THSD7A: variants seen among roughly 807,000 people sequenced by gnomAD.
THSD7A encodes thrombospondin type 1 domain containing 7A, also known as thrombospondin type-1 domain-containing protein 7A.
THSD7A carries 96 observed loss-of-function variants against 231.3 expected under a neutral mutation model. The observed-to-expected ratio is 0.41, with a 90% CI of 0.35 to 0.49. The LOEUF (loss-of-function observed/expected upper bound fraction) is 0.49. THSD7A is among the 20% of genes least tolerant of loss of function. The pLI, the probability that THSD7A is intolerant of heterozygous loss-of-function variation, is 0.05. For synonymous variants in THSD7A, 940 were observed against 743.3 expected, an observed-to-expected ratio of 1.26 and a Z score of -4.30; for missense variants, 2,290 against 2,070.2, an observed-to-expected ratio of 1.11 and a Z score of -2.06.
Position 11,407,440 on chromosome 7 carries a change from A to G in THSD7A, c.3799-17T>C. 2 of 1,587,436 alleles carry G rather than the reference A, an allele frequency of 1.3e-6. No individual in the cohort carries two copies. Among genetic ancestry groups the G allele is most frequent in the Non-Finnish European group, 1.7e-6 (2 of 1,159,164 alleles). The stretch of plus-strand genomic sequence containing the variant: ...CAAGCCAAGCTGGAAGAACAGAGGT[A>G]GATCAGGATGTATATTGTAAATTGG... On this transcript the variant is annotated splice_polypyrimidine_tract_variant and intron_variant, in intron 19 of 27. Coordinates refer to ENST00000423059, the MANE Select transcript of THSD7A (RefSeq NM_015204.3).
chr7:11,618,116 C>T (rs1036589491), intron 2 of THSD7A, among the ~76,000 whole-genome samples: 1 of 152,142 alleles, frequency 6.6e-6, no homozygotes, highest in Non-Finnish European at 1.5e-5. Context: ...AATGCCAATT[C>T]ATATGGACAC....
chr7:11,551,581 C>A (rs1439740666), intron 4 of THSD7A, among the ~76,000 whole-genome samples: 1 of 152,088 alleles, frequency 6.6e-6, no homozygotes. Flanking sequence ...ACATGGCCAA[C>A]AAACATATGA....
chr7:11,725,343 C>T (rs1323689433), intron 1 of THSD7A, among the ~76,000 whole-genome samples: 1 of 151,908 alleles, frequency 6.6e-6, no homozygotes, highest in African/African-American at 2.4e-5. Flanking sequence ...CTTGCTTATG[C>T]TTTGATCACA....
intron 1 of THSD7A, among the ~76,000 whole-genome samples, chr7:11,654,202 T>C (rs79282897): frequency 0.058 from 8,746 of 152,058 alleles, 275 homozygotes; most frequent in East Asian, 0.13. Context: ...ATTAGATTCT[T>C]TGATCAGTGT....
chr7:11,589,390 C>T (rs1001659287), intron 4 of THSD7A, among the ~76,000 whole-genome samples: 1 of 152,112 alleles, frequency 6.6e-6, no homozygotes, highest in Non-Finnish European at 1.5e-5. Flanking sequence ...AAATGAACTC[C>T]CTCTTGCACT....
At chr7:11,762,218 G>A (rs529793541) in intron 1 of THSD7A, among the ~76,000 whole-genome samples, 3 of 152,042 alleles carry the variant, frequency 2.0e-5, no homozygotes, top group Admixed American at 6.6e-5. Flanking sequence ...AAGTACATGT[G>A]TCTTTTTGAT....
intron 4 of THSD7A, among the ~76,000 whole-genome samples, chr7:11,574,728 G>T (rs1490296170): frequency 6.6e-6 from 1 of 151,808 alleles, no homozygotes; most frequent in East Asian, 1.9e-4. Flanking sequence ...GAGCCACCGC[G>T]CCCGGCCAAC....
At chr7:11,650,177 G>T (rs545229025) in intron 1 of THSD7A, among the ~76,000 whole-genome samples, 1 of 152,108 alleles carries the variant, frequency 6.6e-6, no homozygotes, top group South Asian at 2.1e-4. Context: ...TGCAATTGGG[G>T]CCAACATATG....
chr7:11,750,941 G>A (rs917446331), intron 1 of THSD7A, among the ~76,000 whole-genome samples: 1 of 151,888 alleles, frequency 6.6e-6, no homozygotes, highest in Admixed American at 6.6e-5. Flanking sequence ...TCAGTTAAGG[G>A]GTAAGACAAG....
chr7:11,511,122 A>G (rs1426775522), intron 6 of THSD7A, among the ~76,000 whole-genome samples: 2 of 152,224 alleles, frequency 1.3e-5, no homozygotes, highest in African/African-American at 4.8e-5. Flanking sequence ...AATCACAAGC[A>G]TTCCTATACG....
Position 11,814,058 on chromosome 7 carries a change from A to G in THSD7A, c.190+17699T>C, listed in dbSNP as rs1400034100. Among the ~76,000 whole-genome samples, 1 of 152,190 alleles carries G rather than the reference A, an allele frequency of 6.6e-6. No individual in the cohort carries two copies. Among genetic ancestry groups the G allele is most frequent in the Admixed American group, 6.5e-5 (1 of 15,282 alleles). Reference sequence around the variant, plus strand: ...GGTGCTAGTCACAAAAGATCACGCAAGTTATGATGCCATTCATATGAAAGG... The same window carrying G: ...GGTGCTAGTCACAAAAGATCACGCAGGTTATGATGCCATTCATATGAAAGG... On this transcript the variant is annotated intron_variant, in intron 1 of 27. Coordinates refer to ENST00000423059, the MANE Select transcript of THSD7A (RefSeq NM_015204.3). The surrounding 1 kb of genome is among the most constrained non-coding windows in gnomAD (Gnocchi z 5.1).
intron 1 of THSD7A, among the ~76,000 whole-genome samples, chr7:11,720,997 T>C (rs1012061865): frequency 6.6e-6 from 1 of 151,850 alleles, no homozygotes; most frequent in South Asian, 2.1e-4. Flanking sequence ...TTTCATATAA[T>C]CTTGTGCCTT....
chr7:11,479,066 C>A (rs919005487), intron 7 of THSD7A, among the ~76,000 whole-genome samples: 3 of 152,142 alleles, frequency 2.0e-5, no homozygotes, highest in African/African-American at 7.2e-5. Flanking sequence ...ACCAGGTCTT[C>A]ATATGGTGAT....
chr7:11,398,969 C>CTCTAA (rs1342342592), intron 23 of THSD7A, among the ~76,000 whole-genome samples: 2 of 152,192 alleles, frequency 1.3e-5, no homozygotes, highest in Admixed American at 6.5e-5. Context: ...TTGTTTACTA[C>CTCTAA]TCTAATCTAT....
Position 11,578,129 on chromosome 7 carries a change from C to A in THSD7A, c.1453+12331G>T, listed in dbSNP as rs148697311. Among the ~76,000 whole-genome samples, 370 of 152,250 alleles carry A rather than the reference C, an allele frequency of 2.4e-3. 1 individual carries two copies. Among genetic ancestry groups the A allele is most frequent in the African/African-American group, 8.5e-3 (355 of 41,558 alleles). On this transcript the variant is annotated intron_variant, in intron 4 of 27. Coordinates refer to ENST00000423059, the MANE Select transcript of THSD7A (RefSeq NM_015204.3). ...GTTTCTCAACTAGCAAGCTAGTATA[C>A]AATTAGCCTTTATTGCATGCTAAGG...
intron 6 of THSD7A, among the ~76,000 whole-genome samples, chr7:11,503,221 C>T (rs1341750625): frequency 6.6e-6 from 1 of 152,160 alleles, no homozygotes; most frequent in African/African-American, 2.4e-5. Context: ...AAAAGACTTC[C>T]TGTTCAATAA....
At chr7:11,817,951 T>C (rs1434083500) in intron 1 of THSD7A, among the ~76,000 whole-genome samples, 14 of 152,196 alleles carry the variant, frequency 9.2e-5, no homozygotes, top group Non-Finnish European at 2.1e-4. Context: ...GGTGCTTCTT[T>C]CATTCCAAGC....
intron 1 of THSD7A, among the ~76,000 whole-genome samples, chr7:11,724,228 G>A (rs566629260): frequency 2.0e-5 from 3 of 151,936 alleles, no homozygotes; most frequent in Non-Finnish European, 4.4e-5. Flanking sequence ...GATGTGACAT[G>A]AGTCAGAAAG....
intron 1 of THSD7A, among the ~76,000 whole-genome samples, chr7:11,744,320 T>A (rs1045796233): frequency 1.3e-5 from 2 of 152,040 alleles, no homozygotes; most frequent in Admixed American, 1.3e-4. Flanking sequence ...AAGAGAAAGC[T>A]TTACCATTAT....
Sources: gnomAD v4.1 joint callset for allele counts (sites outside exome capture counted in the v4.1 genomes callset) on GRCh38, gnomAD v4.1.1 for gene constraint, Gnocchi (gnomAD v3.1) non-coding constraint, MANE v1.5 for transcripts, NCBI Gene and HGNC (gene_info 2026-07-23, HGNC 2026-07-21) for gene names.